Variants in SGCD observed in about 807,000 individuals in gnomAD.
SGCD encodes the protein delta-sarcoglycan.
In SGCD, 18 loss-of-function variants were observed where a neutral mutation model predicts 36.6. The ratio of observed to expected loss-of-function variants is 0.49; its 90% CI spans 0.34 to 0.73. The LOEUF is 0.73. Among genes scored for constraint, SGCD ranks in the 30% least tolerant of loss-of-function variants. The probability of loss-of-function intolerance (pLI) is 0.01; values close to 1 mark genes in which losing one functional copy is unlikely to be tolerated. For missense variants in SGCD, 387 were observed against 346.7 expected (o/e 1.12, Z -0.92); for synonymous variants, 133 against 130.6 (o/e 1.02, Z -0.12).
chr5:156,522,953 G>T (rs1757477258), intron 4 of SGCD, among the ~76,000 whole-genome samples: 1 of 152,098 alleles, frequency 6.6e-6, no homozygotes, highest in Non-Finnish European at 1.5e-5. Context: ...TGTTATTTTT[G>T]ATTCTGTCAT....
intron 3 of SGCD, among the ~76,000 whole-genome samples, chr5:156,292,352 C>G (rs961195164): frequency 6.6e-6 from 1 of 152,064 alleles, no homozygotes; most frequent in Non-Finnish European, 1.5e-5. Context: ...GTACCACGAA[C>G]AAGTGGGATC....
rs113951493 is a variant in SGCD, at chr5:156,569,054, G to A, written c.295-20177G>A. Among the ~76,000 whole-genome samples, 518 of 152,058 alleles carry A rather than the reference G, an allele frequency of 3.4e-3. 4 individuals are homozygous for A. The highest frequency in any genetic ancestry group is 0.012 in the African/African-American group (488 of 41,490). On this transcript the variant is annotated intron_variant, in intron 4 of 8. Transcript: ENST00000337851. ...TGGATCTGAACATTGTATTCCAGAT[G>A]TGCTCTTACTGTAGTGGGTAAAGCA...
chr5:156,171,769 G>GTTTGGGATCT lies in SGCD; in HGVS notation c.-44+47752_-44+47761dup, dbSNP rs1234001236. Reference sequence around the variant, plus strand: ...AATGGGGATGATACTGAGGGGAATGGTTTGGGATCTTCTTGTGCCTTTCAA... The same window carrying GTTTGGGATCT: ...AATGGGGATGATACTGAGGGGAATGGTTTGGGATCTTTTGGGATCTTCTTGTGCCTTTCAA... On this transcript the variant is annotated intron_variant, in intron 3 of 9. Coordinates refer to the SGCD transcript ENST00000517913. Among the ~76,000 whole-genome samples the GTTTGGGATCT allele has an allele frequency of 2.8e-4, 42 of 152,156 alleles. 3 individuals carry two copies. Among genetic ancestry groups the GTTTGGGATCT allele is most frequent in the Non-Finnish European group, 1.5e-5 (1 of 68,022 alleles).
chr5:155,743,239 C>T, the SGCD span, among the ~76,000 whole-genome samples: 2 of 152,154 alleles, frequency 1.3e-5, no homozygotes, highest in South Asian at 4.1e-4. Context: ...GCAACCAGCC[C>T]CCATGCTGAG....
chr5:155,733,296 A>G, the SGCD span, among the ~76,000 whole-genome samples: 2 of 152,166 alleles, frequency 1.3e-5, no homozygotes, highest in African/African-American at 4.8e-5. Flanking sequence ...AAAAGGAGCT[A>G]TCACACACAC....
At chr5:156,090,537 G>A (rs906620248) in intron 1 of SGCD, among the ~76,000 whole-genome samples, 2 of 152,146 alleles carry the variant, frequency 1.3e-5, no homozygotes, top group African/African-American at 4.8e-5. Context: ...AGATCACAAG[G>A]CAAGGGCAAA....
chr5:156,715,921 C>A (rs771813694), intron 7 of SGCD, among the ~76,000 whole-genome samples: 3 of 152,160 alleles, frequency 2.0e-5, no homozygotes, highest in African/African-American at 7.2e-5. Context: ...CAGAATCCTG[C>A]GGGGCCTCAC....
At chr5:155,800,691 A>G in the SGCD span, among the ~76,000 whole-genome samples, 6 of 151,680 alleles carry the variant, frequency 4.0e-5, no homozygotes, top group African/African-American at 1.5e-4. Context: ...TTCAATTTTC[A>G]GCTGCAGATC....
chr5:156,374,011 G>T (rs1770526972), intron 3 of SGCD, among the ~76,000 whole-genome samples: 1 of 152,132 alleles, frequency 6.6e-6, no homozygotes, highest in South Asian at 2.1e-4. Context: ...CAGTTGAAGG[G>T]GCGGGAGTGG....
At chr5:156,404,894 G>A (rs996346498) in intron 3 of SGCD, among the ~76,000 whole-genome samples, 31 of 152,162 alleles carry the variant, frequency 2.0e-4, no homozygotes, top group African/African-American at 6.8e-4. Context: ...TTTCCTTTCA[G>A]TGAGGGAGAA....
chr5:155,934,103 G>A (rs1454362650), intron 1 of SGCD, among the ~76,000 whole-genome samples: 1 of 152,162 alleles, frequency 6.6e-6, no homozygotes, highest in East Asian at 1.9e-4. Flanking sequence ...GGCAGAATTG[G>A]ATGCACACCT....
At chr5:155,902,808 TA>T (rs781345118) in intron 1 of SGCD, among the ~76,000 whole-genome samples, 3 of 152,238 alleles carry the variant, frequency 2.0e-5, no homozygotes, top group Non-Finnish European at 4.4e-5. Flanking sequence ...TACAATTGCT[TA>T]TTCAAAGCAT....
At chr5:156,747,562 C>T (rs1255615974) in intron 7 of SGCD, among the ~76,000 whole-genome samples, 4 of 152,128 alleles carry the variant, frequency 2.6e-5, no homozygotes, top group Non-Finnish European at 5.9e-5. Context: ...GGCTCATGGC[C>T]TCCCCTCCCT....
chr5:156,692,314 A>T (rs1375466651), intron 7 of SGCD, among the ~76,000 whole-genome samples: 1 of 152,174 alleles, frequency 6.6e-6, no homozygotes, highest in African/African-American at 2.4e-5. Flanking sequence ...GAGTATCGTG[A>T]TTGACTATTA....
chr5:156,101,178 G>T (rs1387478514), intron 1 of SGCD, among the ~76,000 whole-genome samples: 1 of 152,316 alleles, frequency 6.6e-6, no homozygotes, highest in Non-Finnish European at 1.5e-5. Context: ...AAATTCTGTT[G>T]TTTACATCAC....
intron 3 of SGCD, among the ~76,000 whole-genome samples, chr5:156,379,219 C>G (rs558189195): frequency 6.6e-6 from 1 of 152,096 alleles, no homozygotes; most frequent in East Asian, 1.9e-4. Context: ...ATATTTCAGA[C>G]AGTGATAATT....
At chr5:155,848,622 A>T in the SGCD span, among the ~76,000 whole-genome samples, 6 of 152,122 alleles carry the variant, frequency 3.9e-5, no homozygotes. Context: ...TGTGTTACAG[A>T]TCTTTGTATT....
intron 4 of SGCD, among the ~76,000 whole-genome samples, chr5:156,530,316 T>C (rs1265198134): frequency 6.6e-6 from 1 of 152,256 alleles, no homozygotes; most frequent in Non-Finnish European, 1.5e-5. Context: ...GAAAGATTAA[T>C]TATCCTTAGG....
chr5:155,762,244 G>C, the SGCD span, among the ~76,000 whole-genome samples: 2 of 152,210 alleles, frequency 1.3e-5, no homozygotes, highest in African/African-American at 4.8e-5. Context: ...ATGAATGCTG[G>C]CCAGCTTGAG....
Sources: gnomAD v4.1 joint callset for allele counts (sites outside exome capture counted in the v4.1 genomes callset) on GRCh38, gnomAD v4.1.1 for gene constraint, MANE v1.5 for transcripts, NCBI Gene and HGNC (gene_info 2026-07-23, HGNC 2026-07-21) for gene names.